Variants in GFRA2 observed in about 807,000 individuals in gnomAD.
The protein encoded by GFRA2 is GDNF family receptor alpha 2, also known as GDNF family receptor alpha-2.
A neutral mutation model predicts 48.3 loss-of-function variants in GFRA2; 17 were observed. That is an observed-to-expected ratio of 0.35 (90% CI 0.24 to 0.53). The LOEUF (loss-of-function observed/expected upper bound fraction) is 0.53, where lower values mean the gene tolerates loss of function less well. Ranked by LOEUF, GFRA2 falls within the 20% of genes least tolerant of loss-of-function variation. The pLI, the probability that GFRA2 is intolerant of heterozygous loss-of-function variation, is 0.93. For synonymous variants in GFRA2, 305 were observed against 257.2 expected (o/e 1.19, Z -1.78); for missense variants, 660 against 637.3 (o/e 1.04, Z -0.38).
Position 21,750,884 on chromosome 8 carries a change from C to T in GFRA2, c.498G>A (p.Lys166=). The stretch of plus-strand genomic sequence containing the variant: ...TGCAGTTGTCATTCAGGTTGCAGGC[C>T]TTGGCAGCATCCAGGCAATGGTTGC... ...AKSNHCLDAA[K]ACNLNDNCKK... Residue 166 remains lysine, a synonymous_variant, in exon 4 of 9, where the codon AAG becomes AAA. Transcript: ENST00000524240. The surrounding 1 kb of genome is among the most constrained non-coding windows in gnomAD (Gnocchi z 5.7). The T allele has an allele frequency of 6.2e-7, 1 of 1,613,750 alleles. No homozygotes were observed.
At chr8:21,763,213 T>A (rs545994060) in intron 3 of GFRA2, among the ~76,000 whole-genome samples, 41 of 152,292 alleles carry the variant, frequency 2.7e-4, no homozygotes, top group Non-Finnish European at 3.5e-4. Flanking sequence ...TTCAAAGACT[T>A]AGTTTGGGTA....
rs553241649 is a variant in GFRA2 at position 21,743,088 on chromosome 8, G to A, written c.794+7500C>T. 2.0e-4 allele frequency among the ~76,000 whole-genome samples: 30 copies of A among 152,316 alleles called. 1 individual carries two copies. Among genetic ancestry groups the A allele is most frequent in the Admixed American group, 1.2e-3 (19 of 15,302 alleles). On this transcript the variant is annotated intron_variant, in intron 4 of 8. Coordinates refer to ENST00000524240, the MANE Select transcript of GFRA2 (RefSeq NM_001495.5). ...TCTCAACATGTCGCGGGAAATTCCA[G>A]GGAGGGTCACTCGGGGACCCTTGGC...
At position 21,774,862 on chromosome 8, in the gene GFRA2, C is replaced by T. The variant is rs1001575014; in HGVS notation, c.439+110G>A. 7.9e-5 allele frequency: 54 copies of T among 680,502 alleles called. No homozygotes were observed. In the Middle Eastern group the frequency reaches 2.0e-3, roughly 25 times the overall value. 42.2% of individuals were successfully genotyped at this position (680,502 alleles called of 1,614,324 possible). Reference sequence around the variant, plus strand: ...AACCGTTGAGGGACGAGCTGATGGGCAGCAGGGCCATCATCGGACGCCAGG... The same window carrying T: ...AACCGTTGAGGGACGAGCTGATGGGTAGCAGGGCCATCATCGGACGCCAGG... On this transcript the variant is annotated intron_variant, in intron 3 of 8. Transcript: ENST00000524240.
intron 6 of GFRA2, among the ~76,000 whole-genome samples, chr8:21,703,241 G>A (rs76864803): frequency 6.6e-6 from 1 of 152,016 alleles, no homozygotes; most frequent in Non-Finnish European, 1.5e-5. Flanking sequence ...GGGGAACACA[G>A]AAGAAAAAAG....
intron 4 of GFRA2, among the ~76,000 whole-genome samples, chr8:21,709,709 G>A (rs1260384107): frequency 2.0e-5 from 3 of 152,144 alleles, no homozygotes; most frequent in African/African-American, 7.2e-5. Context: ...GGTACTGGGA[G>A]CCTCCCAGGC....
intron 4 of GFRA2, among the ~76,000 whole-genome samples, chr8:21,715,920 C>G (rs146994207): frequency 1.1e-3 from 167 of 152,112 alleles, no homozygotes; most frequent in African/African-American, 4.0e-3. Context: ...CAAGACCTAT[C>G]TGTACATGAG....
intron 4 of GFRA2, among the ~76,000 whole-genome samples, chr8:21,731,610 C>T (rs1374286607): frequency 6.6e-6 from 1 of 152,096 alleles, no homozygotes; most frequent in East Asian, 1.9e-4. Flanking sequence ...AGATCATGAA[C>T]TCCTAAGAAA....
chr8:21,782,891 G>A lies in GFRA2; in HGVS notation c.49C>T (p.Leu17Phe), dbSNP rs953837133. The A allele has an allele frequency of 7.1e-6, 11 of 1,555,964 alleles. No individual in the cohort carries two copies. In the African/African-American group the frequency reaches 8.1e-5, roughly 11 times the overall value. Residue 17 changes from leucine (L) to phenylalanine (F), a missense_variant, in exon 2 of 9, where the codon CTC (leucine) becomes TTC (phenylalanine). Leu to Phe is a conservative substitution (Grantham distance 22, BLOSUM62 0). Transcript: ENST00000524240. Reference protein sequence around the residue: ...FCLFFFLDETLRSLASPSSLQ... With the variant: ...FCLFFFLDETFRSLASPSSLQ... ...GAGGAAGGGCTGGCCAAAGAGCGGA[G>A]GGTCTCGTCTGGGTGGTGGGGAGGG...
chr8:21,749,099 T>C (rs1253310489), intron 4 of GFRA2, among the ~76,000 whole-genome samples: 1 of 152,178 alleles, frequency 6.6e-6, no homozygotes. Context: ...TTCCCCTGTA[T>C]TCTCAGGGCT....
intron 7 of GFRA2, among the ~76,000 whole-genome samples, chr8:21,701,161 G>A (rs528960601): frequency 1.1e-4 from 16 of 152,252 alleles, no homozygotes; most frequent in Admixed American, 3.3e-4. Context: ...TTGGGAGGCC[G>A]AGGCGGGTGG....
intron 4 of GFRA2, among the ~76,000 whole-genome samples, chr8:21,745,050 A>T (rs1190853076): frequency 1.3e-5 from 2 of 152,214 alleles, no homozygotes; most frequent in African/African-American, 4.8e-5. Context: ...TGTTTAACCA[A>T]GGCATCTTTA....
intron 2 of GFRA2, among the ~76,000 whole-genome samples, chr8:21,804,577 C>T (rs1264379668): frequency 6.6e-6 from 1 of 152,066 alleles, no homozygotes; most frequent in African/African-American, 2.4e-5. Context: ...CTGAAGCAGC[C>T]CCTAACAACA....
rs144958718 is a variant in GFRA2, at chr8:21,706,277, C to A, written c.795-236G>T. 0.016 allele frequency: 10,571 copies of A among 642,390 alleles called. 121 individuals are homozygous for A. The highest frequency in any genetic ancestry group is 0.022 in the Non-Finnish European group (7,510 of 348,052). The allele number at this position is 642,390 out of a possible 1,614,324, so 39.8% of individuals were successfully genotyped here. On this transcript the variant is annotated intron_variant, in intron 4 of 8. Transcript: ENST00000524240. ...GCACATAGTGCGGCTTAAGAAAAAC[C>A]CAGTCATTGGCTGACAAAAAGGACC...
At chr8:21,770,406 A>G (rs1032478281) in intron 3 of GFRA2, among the ~76,000 whole-genome samples, 3 of 152,236 alleles carry the variant, frequency 2.0e-5, no homozygotes, top group Admixed American at 6.5e-5. Context: ...AGGTGTTGCC[A>G]TTGGCTCCAG....
chr8:21,752,056 A>G (rs1490364648), intron 3 of GFRA2, among the ~76,000 whole-genome samples: 4 of 152,194 alleles, frequency 2.6e-5, no homozygotes, highest in East Asian at 1.9e-4. Flanking sequence ...GCAAACTGGT[A>G]TCTACCACAT....
chr8:21,750,653 A>G lies in GFRA2; in HGVS notation c.729T>C (p.Tyr243=), dbSNP rs1805243650. ...RRQTILPSCS[Y]EDKEKPNCLD... Reference sequence around the variant, plus strand: ...GGCAGTTGGGCTTCTCCTTGTCCTCATAGGAGCAGCTGGGCAGGATGGTTT... The same window carrying G: ...GGCAGTTGGGCTTCTCCTTGTCCTCGTAGGAGCAGCTGGGCAGGATGGTTT... The change falls in exon 4 of 9, where the codon TAT becomes TAC. Residue 243 remains tyrosine, a synonymous_variant. Transcript: ENST00000524240. The surrounding 1 kb of genome is among the most constrained non-coding windows in gnomAD (Gnocchi z 5.7). 1.2e-6 allele frequency: 2 copies of G among 1,613,700 alleles called. No homozygotes were observed. Among genetic ancestry groups the G allele is most frequent in the East Asian group, 2.2e-5 (1 of 44,854 alleles).
At chr8:21,801,794 G>C (rs923653217) in intron 2 of GFRA2, among the ~76,000 whole-genome samples, 1 of 151,996 alleles carries the variant, frequency 6.6e-6, no homozygotes, top group African/African-American at 2.4e-5. Flanking sequence ...TGAGGAAGGC[G>C]GCATCCCTTC....
rs546849848 is a variant in GFRA2, at chr8:21,708,660, G to A, written c.795-2619C>T. Among the ~76,000 whole-genome samples the A allele has an allele frequency of 1.5e-4, 23 of 152,338 alleles. 1 individual carries two copies. Among genetic ancestry groups the A allele is most frequent in the African/African-American group, 5.5e-4 (23 of 41,572 alleles). On this transcript the variant is annotated intron_variant, in intron 4 of 8. Coordinates refer to ENST00000524240, the MANE Select transcript of GFRA2 (RefSeq NM_001495.5). ...CCAATGACTGGTGTCCTCATCAGAA[G>A]AGAAGAGATAGGCACACAGGAAGAA...
chr8:21,799,382 T>C (rs1807732502), intron 2 of GFRA2, among the ~76,000 whole-genome samples: 1 of 152,118 alleles, frequency 6.6e-6, no homozygotes, highest in Non-Finnish European at 1.5e-5. Context: ...CACACCCAGC[T>C]AAATTTTTTG....
Sources: gnomAD v4.1 joint callset for allele counts (sites outside exome capture counted in the v4.1 genomes callset) on GRCh38, gnomAD v4.1.1 for gene constraint, Gnocchi (gnomAD v3.1) non-coding constraint, MANE v1.5 for transcripts, NCBI Gene and HGNC (gene_info 2026-07-23, HGNC 2026-07-21) for gene names.